XKR4: variants seen among roughly 807,000 people sequenced by gnomAD.
XKR4 encodes the protein XK related 4.
XKR4 carries 12 observed loss-of-function variants against 53.9 expected under a neutral mutation model. The ratio of observed to expected loss-of-function variants is 0.22; its 90% CI spans 0.14 to 0.36. The LOEUF (loss-of-function observed/expected upper bound fraction) is 0.36. Among genes scored for constraint, XKR4 ranks in the 10% least tolerant of loss-of-function variants. The probability of loss-of-function intolerance (pLI) is 1.00; values close to 1 mark genes in which losing one functional copy is unlikely to be tolerated. For synonymous variants in XKR4, 354 were observed against 362.4 expected (o/e 0.98, Z 0.26); for missense variants, 799 against 859.5 (o/e 0.93, Z 0.88).
chr8:55,492,584 A>G (rs1281239565), intron 2 of XKR4, among the ~76,000 whole-genome samples: 1 of 152,248 alleles, frequency 6.6e-6, no homozygotes. Context: ...TGCCATGTCC[A>G]TGATGCCATC....
chr8:55,528,661 G>A lies in XKR4; in HGVS notation c.*4434G>A, dbSNP rs528310429. On this transcript the variant is annotated 3_prime_UTR_variant, in exon 3 of 3. Transcript: ENST00000327381. Reference sequence around the variant, plus strand: ...TCATTCAGATTATAGCTCAGAGGATGGTTGAAGCGCATGGTGAAAACACAG... The same window carrying A: ...TCATTCAGATTATAGCTCAGAGGATAGTTGAAGCGCATGGTGAAAACACAG... 2 of 152,264 alleles carry A rather than the reference G, an allele frequency of 1.3e-5. No homozygotes were observed. Among genetic ancestry groups the A allele is most frequent in the African/African-American group, 2.4e-5 (1 of 41,540 alleles). The allele number at this position is 152,264 out of a possible 1,614,324, so 9.4% of individuals were successfully genotyped here. A position where few individuals can be genotyped will look rare whatever the true frequency, so the allele number is the denominator to read the frequency against.
At chr8:55,355,502 A>G (rs984328335) in intron 1 of XKR4, among the ~76,000 whole-genome samples, 3 of 152,250 alleles carry the variant, frequency 2.0e-5, no homozygotes, top group Non-Finnish European at 2.9e-5. Flanking sequence ...CTGAAGCTAT[A>G]TAATGAAGAT....
intron 2 of XKR4, among the ~76,000 whole-genome samples, chr8:55,462,939 T>C (rs1805686898): frequency 6.6e-6 from 1 of 152,116 alleles, no homozygotes; most frequent in Admixed American, 6.5e-5. Context: ...CCTAAATATA[T>C]ATGCACCCAA....
At chr8:55,432,286 C>T (rs1053135806) in intron 2 of XKR4, among the ~76,000 whole-genome samples, 1 of 152,200 alleles carries the variant, frequency 6.6e-6, no homozygotes, top group Non-Finnish European at 1.5e-5. Flanking sequence ...CTATTTTAAC[C>T]TCTCTGCATT....
chr8:55,314,429 C>T (rs993002628), intron 1 of XKR4, among the ~76,000 whole-genome samples: 5 of 152,094 alleles, frequency 3.3e-5, no homozygotes, highest in Non-Finnish European at 7.4e-5. Context: ...ATCGCTGGGG[C>T]ACCGACCTCA....
rs901116406 is a variant in XKR4, at chr8:55,357,962, C to G, written c.1006+85C>G. ...CAATCCGAGGAACTGTCCTAATGCCCTTTGTTGACACAGGCCTGTGATGTG... is the reference window on the plus strand; with the variant it reads ...CAATCCGAGGAACTGTCCTAATGCCGTTTGTTGACACAGGCCTGTGATGTG... On this transcript the variant is annotated intron_variant, in intron 2 of 2. Coordinates refer to ENST00000327381, the MANE Select transcript of XKR4 (RefSeq NM_052898.2). The G allele has an allele frequency of 9.5e-6, 13 of 1,373,614 alleles. No individual in the cohort carries two copies. The African/African-American group carries it at 1.6e-4, about 17-fold the overall frequency. The allele number at this position is 1,373,614 out of a possible 1,614,324, so 85.1% of individuals were successfully genotyped here. A position where few individuals can be genotyped will look rare whatever the true frequency, so the allele number is the denominator to read the frequency against.
At position 55,217,738 on chromosome 8, in the gene XKR4, TTAGATAGATAGATAGA is replaced by T. The variant is rs71256520; in HGVS notation, c.806+114479_806+114494del. Among the ~76,000 whole-genome samples, 518 of 149,346 alleles carry T rather than the reference TTAGATAGATAGATAGA, an allele frequency of 3.5e-3. 2 individuals carry two copies. The highest frequency in any genetic ancestry group is 7.8e-3 in the African/African-American group (315 of 40,278). On this transcript the variant is annotated intron_variant, in intron 1 of 2. Coordinates refer to ENST00000327381, the MANE Select transcript of XKR4 (RefSeq NM_052898.2). ...AGTTCAAAATACATAGGAAGACAGA[TTAGATAGATAGATAGA>T]TAGATAGATAGATAGATAGATAGAT...
intron 1 of XKR4, among the ~76,000 whole-genome samples, chr8:55,328,099 G>A (rs1316006992): frequency 6.6e-6 from 1 of 152,126 alleles, no homozygotes; most frequent in Non-Finnish European, 1.5e-5. Context: ...CAGATCTCAT[G>A]AGACTCACTC....
chr8:55,315,521 G>C (rs556019429), intron 1 of XKR4, among the ~76,000 whole-genome samples: 15 of 152,260 alleles, frequency 9.9e-5, no homozygotes, highest in Admixed American at 2.6e-4. Context: ...CCGTTTGAAT[G>C]GGAATAACTT....
chr8:55,303,409 T>C (rs1432046969), intron 1 of XKR4, among the ~76,000 whole-genome samples: 2 of 152,176 alleles, frequency 1.3e-5, no homozygotes, highest in Non-Finnish European at 2.9e-5. Flanking sequence ...CAGTATTTTA[T>C]TGAGGATTTT....
intron 1 of XKR4, among the ~76,000 whole-genome samples, chr8:55,307,030 A>T (rs1488842211): frequency 2.1e-5 from 3 of 146,186 alleles, no homozygotes; most frequent in African/African-American, 7.4e-5. Flanking sequence ...TTTTAAACCT[A>T]TACACTTTTA....
chr8:55,193,772 T>C (rs1195395982), intron 1 of XKR4, among the ~76,000 whole-genome samples: 3 of 152,220 alleles, frequency 2.0e-5, no homozygotes, highest in Non-Finnish European at 4.4e-5. Flanking sequence ...CCAGATCCCC[T>C]GCCACAGTCA....
At chr8:55,270,441 C>T (rs960533365) in intron 1 of XKR4, among the ~76,000 whole-genome samples, 7 of 152,192 alleles carry the variant, frequency 4.6e-5, no homozygotes, top group Admixed American at 2.6e-4. Context: ...GTTTCCTTCA[C>T]GAACTGCCTC....
At chr8:55,210,303 C>G (rs374549138) in intron 1 of XKR4, among the ~76,000 whole-genome samples, 2 of 151,994 alleles carry the variant, frequency 1.3e-5, no homozygotes, top group Non-Finnish European at 2.9e-5. Context: ...AGGCTGGTCT[C>G]GAACTCCTGA....
chr8:55,380,998 A>G (rs972370580), intron 2 of XKR4, among the ~76,000 whole-genome samples: 1 of 152,216 alleles, frequency 6.6e-6, no homozygotes, highest in Non-Finnish European at 1.5e-5. Flanking sequence ...TATTTAGGTA[A>G]CAGTTTTCCT....
chr8:55,507,527 A>G (rs1296538776), intron 2 of XKR4, among the ~76,000 whole-genome samples: 2 of 152,126 alleles, frequency 1.3e-5, no homozygotes, highest in South Asian at 2.1e-4. Flanking sequence ...ACAGGCCCCA[A>G]TGTGTGATGC....
At chr8:55,259,396 A>G (rs1818485092) in intron 1 of XKR4, among the ~76,000 whole-genome samples, 1 of 152,226 alleles carries the variant, frequency 6.6e-6, no homozygotes, top group African/African-American at 2.4e-5. Flanking sequence ...CTAGTGCGAT[A>G]TGAGTTGATT....
intron 1 of XKR4, among the ~76,000 whole-genome samples, chr8:55,340,304 C>A (rs1198009900): frequency 6.6e-6 from 1 of 152,166 alleles, no homozygotes; most frequent in Non-Finnish European, 1.5e-5. Flanking sequence ...GGCATTGGTT[C>A]TTGACACATT....
At chr8:55,465,322 A>T (rs1412823045) in intron 2 of XKR4, among the ~76,000 whole-genome samples, 2 of 152,104 alleles carry the variant, frequency 1.3e-5, no homozygotes, top group Non-Finnish European at 2.9e-5. Context: ...GAGTCCCAGA[A>T]ATAATGCCGC....
Sources: allele counts gnomAD v4.1 joint callset (sites outside exome capture counted in the v4.1 genomes callset), GRCh38; gene constraint gnomAD v4.1.1; transcripts MANE v1.5; gene names NCBI Gene and HGNC (gene_info 2026-07-23, HGNC 2026-07-21).